SLA: variants seen among roughly 807,000 people sequenced by gnomAD.
SLA encodes the protein src-like-adapter.
A neutral mutation model predicts 30.3 loss-of-function variants in SLA; 16 were observed. That is an observed-to-expected ratio of 0.53 (90% CI 0.36 to 0.80). The LOEUF (loss-of-function observed/expected upper bound fraction) is 0.80, where lower values mean the gene tolerates loss of function less well. SLA is among the 30% of genes least tolerant of loss of function. The pLI, the probability that SLA is intolerant of heterozygous loss-of-function variation, is 0.01. For missense variants in SLA, 310 were observed against 345.2 expected (o/e 0.90, Z 0.81); for synonymous variants, 143 against 137.8 (o/e 1.04, Z -0.26).
intron 2 of SLA, among the ~76,000 whole-genome samples, chr8:133,062,111 A>C (rs1009497684): frequency 1.1e-4 from 16 of 152,208 alleles, no homozygotes; most frequent in Non-Finnish European, 2.2e-4. Context: ...GTGAAGCGCA[A>C]ATCCCATCCT....
At chr8:133,089,041 T>C (rs1394812260) in intron 1 of SLA, among the ~76,000 whole-genome samples, 1 of 152,216 alleles carries the variant, frequency 6.6e-6, no homozygotes, top group Non-Finnish European at 1.5e-5. Context: ...CACGACACCT[T>C]GGTGGCACCT....
chr8:133,057,501 G>C (rs1184003288), intron 3 of SLA, among the ~76,000 whole-genome samples: 1 of 152,184 alleles, frequency 6.6e-6, no homozygotes, highest in African/African-American at 2.4e-5. Context: ...GTTTTTAAAA[G>C]TTTCCACACC....
At chr8:133,090,669 G>A (rs1397029852) in intron 1 of SLA, among the ~76,000 whole-genome samples, 2 of 152,146 alleles carry the variant, frequency 1.3e-5, no homozygotes, top group South Asian at 2.1e-4. Context: ...TACACATCAG[G>A]TATTTTCCCT....
intron 8 of SLA, among the ~76,000 whole-genome samples, 200 bp from the exon 9 acceptor site, chr8:133,038,937 G>A (rs1837612414): frequency 6.6e-6 from 1 of 152,126 alleles, no homozygotes; most frequent in Non-Finnish European, 1.5e-5. Flanking sequence ...GAGTGCAGTG[G>A]TGCAATCTCT....
At chr8:133,083,833 G>C (rs902048162) in intron 1 of SLA, among the ~76,000 whole-genome samples, 2 of 152,050 alleles carry the variant, frequency 1.3e-5, no homozygotes, top group African/African-American at 4.8e-5. Context: ...CTGCTGCCCC[G>C]TCCAGGTTCT....
chr8:133,041,555 G>A (rs914521586), intron 7 of SLA, among the ~76,000 whole-genome samples: 2 of 152,142 alleles, frequency 1.3e-5, no homozygotes, highest in African/African-American at 4.8e-5. Context: ...AGGATATGAG[G>A]CGAGGAAGAT....
In SLA at chr8:133,068,879, T is replaced by C. The variant is rs147081526; in HGVS notation, c.-41+5974A>G. ...GGGCACCACCCAGTCAGCCTGTGGC[T>C]CTGTTGGACCAGAACAAATTTGCTG... On this transcript the variant is annotated intron_variant, in intron 2 of 8. Coordinates refer to ENST00000338087, the MANE Select transcript of SLA (RefSeq NM_001045556.3). Among the ~76,000 whole-genome samples, 604 of 152,378 alleles carry C rather than the reference T, an allele frequency of 4.0e-3. 4 individuals are homozygous for C. The highest frequency in any genetic ancestry group is 0.014 in the African/African-American group (576 of 41,588).
chr8:133,094,241 T>C (rs1848052466), intron 1 of SLA, among the ~76,000 whole-genome samples: 1 of 116,566 alleles, frequency 8.6e-6, no homozygotes, highest in Non-Finnish European at 1.8e-5. Flanking sequence ...CCTGTCGTTT[T>C]CTTTTTTTTT....
intron 1 of SLA, among the ~76,000 whole-genome samples, chr8:133,090,685 G>T (rs1371115299): frequency 6.6e-6 from 1 of 152,136 alleles, no homozygotes; most frequent in South Asian, 2.1e-4. Context: ...TCCCTCCATT[G>T]TCTCCTTTAA....
chr8:133,057,735 A>C (rs939129348), intron 3 of SLA, among the ~76,000 whole-genome samples: 2 of 151,916 alleles, frequency 1.3e-5, no homozygotes, highest in Non-Finnish European at 2.9e-5. Flanking sequence ...TTGACTAATC[A>C]AGAATATTCT....
intron 6 of SLA, 181 bp downstream of exon 6, chr8:133,047,649 C>A: frequency 1.6e-6 from 1 of 626,672 alleles, no homozygotes; most frequent in Non-Finnish European, 2.9e-6. Context: ...CTGCCTGTCT[C>A]TAGTCCCCTT....
At chr8:133,092,090 G>T (rs1463263903) in intron 1 of SLA, among the ~76,000 whole-genome samples, 18 of 152,150 alleles carry the variant, frequency 1.2e-4, no homozygotes, top group Non-Finnish European at 1.5e-5. Flanking sequence ...CCAGCCAGTG[G>T]CTCACTCTGA....
chr8:133,080,586 G>C (rs1336220758), intron 1 of SLA, among the ~76,000 whole-genome samples: 2 of 152,030 alleles, frequency 1.3e-5, no homozygotes, highest in Non-Finnish European at 2.9e-5. Context: ...CCAAACTCAG[G>C]ACCATCTTCA....
chr8:133,039,791 G>T (rs756150141), intron 8 of SLA, among the ~76,000 whole-genome samples: 1 of 152,156 alleles, frequency 6.6e-6, no homozygotes, highest in Admixed American at 6.5e-5. Context: ...CACACACCTC[G>T]TGAGGCCTGA....
intron 3 of SLA, chr8:133,059,272 T>C: frequency 2.6e-6 from 1 of 380,760 alleles, no homozygotes; most frequent in Non-Finnish European, 5.3e-6. Flanking sequence ...GCCCCCTGGC[T>C]TCCCTAACCG....
intron 3 of SLA, among the ~76,000 whole-genome samples, chr8:133,052,213 T>C (rs1840536872): frequency 6.6e-6 from 1 of 152,218 alleles, no homozygotes; most frequent in Non-Finnish European, 1.5e-5. Flanking sequence ...GATTAAATAC[T>C]AGAATCAGTG....
chr8:133,077,259 CAA>C (rs1488635836), intron 1 of SLA, among the ~76,000 whole-genome samples: 1 of 152,246 alleles, frequency 6.6e-6, no homozygotes, highest in East Asian at 1.9e-4. Flanking sequence ...CAGAGGCAGA[CAA>C]GAGAGAGGCC....
Position 133,038,181 on chromosome 8 carries a change from G to A in SLA, c.*343C>T, listed in dbSNP as rs1837429206. 3.1e-6 allele frequency: 1 copy of A among 323,952 alleles called. No homozygotes were observed. The highest frequency in any genetic ancestry group is 3.0e-5 in the South Asian group (1 of 33,282). The allele number at this position is 323,952 out of a possible 1,614,324, so 20.1% of individuals were successfully genotyped here. A position where few individuals can be genotyped will look rare whatever the true frequency, so the allele number is the denominator to read the frequency against. ...GAGTGTAACTGTCTGGACAGGTCCA[G>A]TTCCTTGGAGAGCAGTCCTGGTGCC... On this transcript the variant is annotated 3_prime_UTR_variant, in exon 9 of 9. Transcript: ENST00000338087.
intron 3 of SLA, among the ~76,000 whole-genome samples, chr8:133,053,162 G>A (rs1342568641): frequency 1.3e-5 from 2 of 152,090 alleles, no homozygotes; most frequent in Non-Finnish European, 2.9e-5. Flanking sequence ...ACTCACCTCT[G>A]CAGAGGCTCC....
Sources: gnomAD v4.1 joint callset for allele counts (sites outside exome capture counted in the v4.1 genomes callset) on GRCh38, gnomAD v4.1.1 for gene constraint, MANE v1.5 for transcripts, NCBI Gene and HGNC (gene_info 2026-07-23, HGNC 2026-07-21) for gene names.